Variants in OXR1 observed in about 807,000 individuals in gnomAD.
OXR1 encodes the protein oxidation resistance 1.
Under a neutral mutation model 104.6 loss-of-function variants are expected in OXR1, and 41 were observed. The ratio of observed to expected loss-of-function variants is 0.39; its 90% confidence interval spans 0.31 to 0.51. The LOEUF (loss-of-function observed/expected upper bound fraction) is 0.51, where lower values mean the gene tolerates loss of function less well. Among genes scored for constraint, OXR1 ranks in the 20% least tolerant of loss-of-function variants. The pLI is 0.77. For missense variants in OXR1, 955 were observed against 1,031.9 expected (o/e 0.93, Z 1.02); for synonymous variants, 348 against 348.4 (o/e 1.00, Z 0.01).
intron 11 of OXR1, among the ~76,000 whole-genome samples, chr8:106,731,942 G>T (rs1408974818): frequency 6.6e-6 from 1 of 151,974 alleles, no homozygotes; most frequent in East Asian, 1.9e-4. Context: ...AAAATAGCCT[G>T]GTAGAATTTT....
At chr8:106,608,473 A>G (rs1186942910) in intron 3 of OXR1, among the ~76,000 whole-genome samples, 3 of 152,156 alleles carry the variant, frequency 2.0e-5, no homozygotes, top group East Asian at 1.9e-4. Context: ...TATGTGTACT[A>G]TTTTTTATCA....
chr8:106,329,166 A>G lies in OXR1; in HGVS notation c.-138-30310A>G, dbSNP rs531567735. On this transcript the variant is annotated intron_variant, in intron 1 of 16. Coordinates refer to ENST00000517566, the MANE Select transcript of OXR1 (RefSeq NM_001198533.2). ...ACCACCACGCCTGGCTAAGTTTTGT[A>G]TTTTTAGTAAAGACGGGGTTTCACC... Among the ~76,000 whole-genome samples the G allele has an allele frequency of 5.2e-4, 77 of 148,276 alleles. 1 individual carries two copies. The South Asian group carries it at 0.015, about 30-fold the overall frequency.
At chr8:106,742,088 C>G in intron 14 of OXR1, 134 bp from the exon 15 acceptor site, 1 of 592,182 alleles carries the variant, frequency 1.7e-6, no homozygotes, top group Non-Finnish European at 3.0e-6. Context: ...CCATTTTTCC[C>G]TTTTTAAGTA....
intron 1 of OXR1, among the ~76,000 whole-genome samples, chr8:106,306,834 C>T (rs1330134890): frequency 6.6e-6 from 1 of 152,120 alleles, no homozygotes; most frequent in Non-Finnish European, 1.5e-5. Context: ...CCTTACCCAA[C>T]TCTACACTTG....
chr8:106,580,567 A>T (rs1164634314), intron 3 of OXR1, among the ~76,000 whole-genome samples: 1 of 152,166 alleles, frequency 6.6e-6, no homozygotes, highest in Non-Finnish European at 1.5e-5. Context: ...CTTGCTTTCA[A>T]TTGTTTGGAA....
intron 7 of OXR1, among the ~76,000 whole-genome samples, chr8:106,693,717 C>T (rs888982937): frequency 6.6e-6 from 1 of 152,014 alleles, no homozygotes; most frequent in African/African-American, 2.4e-5. Context: ...AGGTGTGAGC[C>T]ACCGCACCCA....
chr8:106,638,655 C>A (rs1008807725), intron 3 of OXR1, among the ~76,000 whole-genome samples: 2 of 152,224 alleles, frequency 1.3e-5, no homozygotes, highest in Non-Finnish European at 2.9e-5. Flanking sequence ...AATTCCAGCA[C>A]TTTGATAGGC....
chr8:106,747,533 T>C, intron 16 of OXR1, among the ~76,000 whole-genome samples: 1 of 152,172 alleles, frequency 6.6e-6, no homozygotes, highest in Non-Finnish European at 1.5e-5. Flanking sequence ...CCTTAGCCAT[T>C]CTCTTTTCAG....
intron 2 of OXR1, among the ~76,000 whole-genome samples, chr8:106,452,139 A>G (rs1223042419): frequency 6.6e-6 from 1 of 152,156 alleles, no homozygotes; most frequent in African/African-American, 2.4e-5. Context: ...GTAATTACAG[A>G]CTCAGGACAA....
intron 2 of OXR1, among the ~76,000 whole-genome samples, chr8:106,391,933 G>A (rs1338285197): frequency 6.6e-6 from 1 of 152,150 alleles, no homozygotes; most frequent in African/African-American, 2.4e-5. Context: ...CAGAGAATTA[G>A]GGAGACACCA....
chr8:106,377,590 C>T (rs1056421715), intron 2 of OXR1, among the ~76,000 whole-genome samples: 2 of 152,148 alleles, frequency 1.3e-5, no homozygotes, highest in Non-Finnish European at 2.9e-5. Context: ...ATAAGGAGTT[C>T]ATGGGCAGCC....
At chr8:106,474,261 A>AGCTTC (rs1435949012) in intron 2 of OXR1, among the ~76,000 whole-genome samples, 1 of 151,716 alleles carries the variant, frequency 6.6e-6, no homozygotes, top group African/African-American at 2.4e-5. Flanking sequence ...CTGGATGTGT[A>AGCTTC]GCTTCCAGTG....
intron 2 of OXR1, among the ~76,000 whole-genome samples, chr8:106,381,049 T>G (rs767661586): frequency 6.6e-6 from 1 of 152,150 alleles, no homozygotes; most frequent in Admixed American, 6.5e-5. Flanking sequence ...ATGCAGGATA[T>G]TTAATTGAGA....
At chr8:106,492,949 T>C (rs376900977) in intron 2 of OXR1, among the ~76,000 whole-genome samples, 31 of 152,162 alleles carry the variant, frequency 2.0e-4, no homozygotes, top group African/African-American at 7.5e-4. Context: ...TTAAAAAATA[T>C]TTTTTTTCTA....
At chr8:106,648,844 G>A (rs978709475) in intron 3 of OXR1, among the ~76,000 whole-genome samples, 2 of 152,122 alleles carry the variant, frequency 1.3e-5, no homozygotes, top group Non-Finnish European at 2.9e-5. Context: ...AAAGAATGAA[G>A]GAGAACTAAT....
intron 2 of OXR1, among the ~76,000 whole-genome samples, chr8:106,490,862 G>A (rs3018081): frequency 0.094 from 14,325 of 152,138 alleles, 759 homozygotes; most frequent in African/African-American, 0.14. Context: ...GTGTGTGGAG[G>A]GGGGAGCTGT....
intron 3 of OXR1, among the ~76,000 whole-genome samples, chr8:106,674,763 C>G (rs1325171177): frequency 6.6e-6 from 1 of 152,114 alleles, no homozygotes; most frequent in Non-Finnish European, 1.5e-5. Flanking sequence ...AGTGAGTTCT[C>G]ATGAGATGTG....
chr8:106,329,853 C>T (rs1419501337), intron 1 of OXR1, among the ~76,000 whole-genome samples: 1 of 151,870 alleles, frequency 6.6e-6, no homozygotes, highest in Admixed American at 6.5e-5. Flanking sequence ...AGTTTCATCA[C>T]CTATAATGGG....
chr8:106,407,024 A>G (rs937287925), intron 2 of OXR1, among the ~76,000 whole-genome samples: 4 of 152,160 alleles, frequency 2.6e-5, no homozygotes, highest in Non-Finnish European at 5.9e-5. Context: ...AAAACTCTGT[A>G]GTTTCTACTC....
Sources: gnomAD v4.1 joint callset for allele counts (sites outside exome capture counted in the v4.1 genomes callset) on GRCh38, gnomAD v4.1.1 for gene constraint, MANE v1.5 for transcripts, NCBI Gene and HGNC (gene_info 2026-07-23, HGNC 2026-07-21) for gene names.